MTMR7: variants seen among roughly 807,000 people sequenced by gnomAD.
MTMR7 encodes the protein myotubularin related protein 7, also known as phosphatidylinositol-3-phosphate phosphatase MTMR7.
A neutral mutation model predicts 81.2 loss-of-function variants in MTMR7; 76 were observed. The observed-to-expected ratio is 0.94, with a 90% CI of 0.78 to 1.13. The LOEUF is 1.13. Among genes scored for constraint, MTMR7 ranks in the 50% most tolerant of loss-of-function variants. The pLI, the probability that MTMR7 is intolerant of heterozygous loss-of-function variation, is 0.00. For missense variants in MTMR7, 1,044 were observed against 820.0 expected (o/e 1.27, Z -3.34); for synonymous variants, 372 against 289.8 (o/e 1.28, Z -2.88).
chr8:17,373,848 G>C (rs1820493508), intron 1 of MTMR7, among the ~76,000 whole-genome samples: 1 of 152,166 alleles, frequency 6.6e-6, no homozygotes, highest in Non-Finnish European at 1.5e-5. Flanking sequence ...CAAACTGCTA[G>C]AAGAGATTTC....
At chr8:17,396,486 C>T (rs1403761403) in intron 1 of MTMR7, among the ~76,000 whole-genome samples, 2 of 152,084 alleles carry the variant, frequency 1.3e-5, no homozygotes, top group Non-Finnish European at 1.5e-5. Context: ...TCAGTGCTGC[C>T]CTACCATAGC....
intron 1 of MTMR7, among the ~76,000 whole-genome samples, chr8:17,385,348 C>T (rs1460389467): frequency 6.6e-6 from 1 of 152,100 alleles, no homozygotes; most frequent in African/African-American, 2.4e-5. Context: ...CTCCCAATCC[C>T]CGCATGCCGT....
At chr8:17,336,656 C>A (rs1311336369) in intron 6 of MTMR7, among the ~76,000 whole-genome samples, 2 of 152,210 alleles carry the variant, frequency 1.3e-5, no homozygotes. Flanking sequence ...AGAACCACAG[C>A]AAAGTCTCTG....
chr8:17,354,251 C>G (rs993520226), intron 4 of MTMR7, among the ~76,000 whole-genome samples: 4 of 152,058 alleles, frequency 2.6e-5, no homozygotes, highest in African/African-American at 9.7e-5. Flanking sequence ...GATAAAATGA[C>G]ATATATGTGA....
chr8:17,304,230 G>T (rs1186763219), intron 12 of MTMR7, 149 bp downstream of exon 12: 2 of 802,066 alleles, frequency 2.5e-6, no homozygotes, highest in Non-Finnish European at 3.6e-6. Flanking sequence ...AAAAATACCA[G>T]ATCAGATATT....
In MTMR7 at chr8:17,302,670, G is replaced by C. The variant is rs183740142; in HGVS notation, c.1494-390C>G. On this transcript the variant is annotated intron_variant, in intron 12 of 13. Transcript: ENST00000180173. ...TTGCAGCTTTTATCTTTTGTATCAC[G>C]ACCACTAAAAGTTGACATTTGCATT... Among the ~76,000 whole-genome samples, 772 of 115,676 alleles carry C rather than the reference G, an allele frequency of 6.7e-3. 5 individuals are homozygous for C. Among genetic ancestry groups the C allele is most frequent in the Admixed American group, 0.016 (143 of 8,920 alleles). 75.9% of individuals were successfully genotyped at this position (115,676 alleles called of 152,430 possible).
rs534518432 is a variant in MTMR7 at position 17,332,203 on chromosome 8, C to T, written c.733-921G>A. 1.6e-4 allele frequency among the ~76,000 whole-genome samples: 24 copies of T among 149,140 alleles called. No homozygotes were observed. The South Asian group carries it at 2.5e-3, about 15-fold the overall frequency. On this transcript the variant is annotated intron_variant, in intron 6 of 13. Transcript: ENST00000180173. Reference sequence around the variant, plus strand: ...AGGGCTAACCCAGGCAGAGAACCTACACTGAGAACTCACCACCAGAAAAAA... The same window carrying T: ...AGGGCTAACCCAGGCAGAGAACCTATACTGAGAACTCACCACCAGAAAAAA...
At chr8:17,357,580 G>C (rs1444773204) in intron 4 of MTMR7, among the ~76,000 whole-genome samples, 1 of 152,092 alleles carries the variant, frequency 6.6e-6, no homozygotes, top group Non-Finnish European at 1.5e-5. Flanking sequence ...ATCACAAAAT[G>C]ATGTCGAGCA....
At chr8:17,402,777 G>A (rs997228900) in intron 1 of MTMR7, among the ~76,000 whole-genome samples, 1 of 152,134 alleles carries the variant, frequency 6.6e-6, no homozygotes, top group Non-Finnish European at 1.5e-5. Flanking sequence ...TGGGCTTGCT[G>A]GATTGTATTT....
intron 1 of MTMR7, among the ~76,000 whole-genome samples, chr8:17,382,693 A>C (rs1391108000): frequency 6.6e-6 from 1 of 152,208 alleles, no homozygotes; most frequent in African/African-American, 2.4e-5. Flanking sequence ...CTGAGTGATA[A>C]GGAGACCTTG....
At chr8:17,367,851 T>G (rs1820278240) in intron 3 of MTMR7, among the ~76,000 whole-genome samples, 1 of 151,544 alleles carries the variant, frequency 6.6e-6, no homozygotes, top group African/African-American at 2.4e-5. Flanking sequence ...CGCATTCTGC[T>G]GATGCTAAGG....
chr8:17,404,196 G>T (rs898514538), intron 1 of MTMR7, among the ~76,000 whole-genome samples: 4 of 152,136 alleles, frequency 2.6e-5, no homozygotes, highest in African/African-American at 4.8e-5. Flanking sequence ...GAATAGGGTG[G>T]TAGGAACGGA....
At chr8:17,409,080 A>G (rs1459839709) in intron 1 of MTMR7, among the ~76,000 whole-genome samples, 2 of 152,210 alleles carry the variant, frequency 1.3e-5, no homozygotes, top group Non-Finnish European at 2.9e-5. Flanking sequence ...CACTAATACT[A>G]TAAGATCCAC....
intron 3 of MTMR7, among the ~76,000 whole-genome samples, chr8:17,367,702 ATTTAT>A (rs1820271753): frequency 6.6e-6 from 1 of 152,168 alleles, no homozygotes; most frequent in Admixed American, 6.5e-5. Flanking sequence ...TAATCTCGAC[ATTTAT>A]TTTAAGTTGC....
chr8:17,325,267 C>G (rs1258487543), intron 7 of MTMR7, among the ~76,000 whole-genome samples: 1 of 152,080 alleles, frequency 6.6e-6, no homozygotes, highest in African/African-American at 2.4e-5. Context: ...AACATGTGAC[C>G]GTCATACCCA....
At chr8:17,398,237 T>A (rs573249824) in intron 1 of MTMR7, among the ~76,000 whole-genome samples, 1 of 152,200 alleles carries the variant, frequency 6.6e-6, no homozygotes, top group African/African-American at 2.4e-5. Context: ...AACAGAGGTA[T>A]GTGACCCTTC....
chr8:17,304,606 A>T, intron 11 of MTMR7, 87 bp from the exon 12 acceptor site: 1 of 1,427,286 alleles, frequency 7.0e-7, no homozygotes. Flanking sequence ...AAAGGAACTA[A>T]TAATTGTTAC....
intron 5 of MTMR7, among the ~76,000 whole-genome samples, chr8:17,346,711 A>T (rs1292708318): frequency 6.8e-6 from 1 of 148,040 alleles, no homozygotes; most frequent in Non-Finnish European, 1.5e-5. Context: ...TTCTACAGAC[A>T]ACAATAAAAC....
At chr8:17,341,109 T>G (rs1351549970) in intron 6 of MTMR7, among the ~76,000 whole-genome samples, 1 of 152,120 alleles carries the variant, frequency 6.6e-6, no homozygotes, top group Non-Finnish European at 1.5e-5. Flanking sequence ...CCACATTCAT[T>G]TGGGTGCCCC....
Sources: allele counts gnomAD v4.1 joint callset (sites outside exome capture counted in the v4.1 genomes callset), GRCh38; gene constraint gnomAD v4.1.1; transcripts MANE v1.5; gene names NCBI Gene and HGNC (gene_info 2026-07-23, HGNC 2026-07-21).